Variants in SVOP observed in about 807,000 individuals in gnomAD.
SVOP encodes SV2 related protein, also known as synaptic vesicle 2-related protein.
In SVOP, 17 loss-of-function variants were observed where a neutral mutation model predicts 69.1. The ratio of observed to expected loss-of-function variants is 0.25; its 90% confidence interval spans 0.17 to 0.37. The LOEUF (loss-of-function observed/expected upper bound fraction) is 0.37, where lower values mean the gene tolerates loss of function less well. Ranked by LOEUF, SVOP falls within the 10% of genes least tolerant of loss-of-function variation. SVOP has a pLI of 1.00. For missense variants in SVOP, 435 were observed against 597.5 expected (o/e 0.73, Z 2.84); for synonymous variants, 238 against 238.6 (o/e 1.00, Z 0.02).
intron 14 of SVOP, 44 bp from the exon 15 acceptor site, chr12:108,915,916 C>G: frequency 1.3e-6 from 2 of 1,506,278 alleles, no homozygotes; most frequent in Non-Finnish European, 1.8e-6. Context: ...CATGCAGGTT[C>G]CTCCCACCAC....
At chr12:108,973,470 C>T (rs1207481641) in intron 4 of SVOP, among the ~76,000 whole-genome samples, 1 of 152,174 alleles carries the variant, frequency 6.6e-6, no homozygotes, top group Non-Finnish European at 1.5e-5. Flanking sequence ...TGGTTCACTG[C>T]AGCCTCAGCC....
At chr12:108,992,044 C>T (rs980968472) in intron 1 of SVOP, among the ~76,000 whole-genome samples, 2 of 152,024 alleles carry the variant, frequency 1.3e-5, no homozygotes, top group Non-Finnish European at 2.9e-5. Flanking sequence ...CAGCGGTGTG[C>T]GTATAAACTG....
In SVOP at chr12:108,934,210, C is replaced by T. The variant is rs774121922; in HGVS notation, c.1033G>A (p.Gly345Arg). The T allele has an allele frequency of 4.4e-6, 7 of 1,605,002 alleles. No individual in the cohort carries two copies. The highest frequency in any genetic ancestry group is 6.0e-6 in the Non-Finnish European group (7 of 1,175,790). The stretch of plus-strand genomic sequence containing the variant: ...AGATACTCACTGCCGCAGACATCTC[C>T]TGCCTGGAAGAGTTCTGTGGTGAGT... ...VLLTTELFQA[G>R]DVCGISSRKK... The change falls in exon 11 of 16, where the codon GGA (glycine) becomes AGA (arginine). Residue 345 changes from glycine (G) to arginine (R), a missense_variant. Physicochemically the swap from Gly to Arg is moderately radical, Grantham distance 125. Transcript: ENST00000610966.
At chr12:108,967,266 C>T (rs1425440121) in intron 5 of SVOP, among the ~76,000 whole-genome samples, 2 of 151,732 alleles carry the variant, frequency 1.3e-5, no homozygotes, top group African/African-American at 4.8e-5. Flanking sequence ...TTTGGGAGGC[C>T]GATGTGGGCA....
At chr12:109,017,616 CTT>C (rs2040374662) in intron 1 of SVOP, among the ~76,000 whole-genome samples, 1 of 152,258 alleles carries the variant, frequency 6.6e-6, no homozygotes, top group East Asian at 1.9e-4. Flanking sequence ...GTGGCACAAT[CTT>C]TGCTCACCGC....
chr12:108,923,367 G>A (rs997250943), intron 11 of SVOP, among the ~76,000 whole-genome samples: 9 of 152,318 alleles, frequency 5.9e-5, no homozygotes, highest in African/African-American at 1.9e-4. Context: ...AAGGAGTGGA[G>A]GGGAGCCTCT....
At chr12:108,933,696 AAT>A (rs974891948) in intron 11 of SVOP, among the ~76,000 whole-genome samples, 1 of 151,544 alleles carries the variant, frequency 6.6e-6, no homozygotes, top group Non-Finnish European at 1.5e-5. Context: ...AAAATAAAAA[AAT>A]AATAATAATA....
intron 7 of SVOP, among the ~76,000 whole-genome samples, chr12:108,943,775 T>C (rs2039906321): frequency 6.6e-6 from 1 of 151,792 alleles, no homozygotes; most frequent in Non-Finnish European, 1.5e-5. Flanking sequence ...ACATTTCCTT[T>C]TCTTCTTCTC....
chr12:108,934,416 CT>C, intron 10 of SVOP, 145 bp from the exon 11 acceptor site: 1 of 626,970 alleles, frequency 1.6e-6, no homozygotes, highest in Non-Finnish European at 2.8e-6. Flanking sequence ...TACTGGGGAC[CT>C]TGAGCAAGAA....
At chr12:109,004,410 C>CTTTTTTT (rs34124314) in intron 1 of SVOP, among the ~76,000 whole-genome samples, 23 of 120,382 alleles carry the variant, frequency 1.9e-4, no homozygotes, top group Admixed American at 3.8e-4. Context: ...GGTATTGCTA[C>CTTTTTTT]TTTTTTTTTT....
In SVOP at chr12:109,003,008, T is replaced by TA. The variant is rs1325120548; in HGVS notation, c.35+17825dup. Among the ~76,000 whole-genome samples, 4 of 15,824 alleles carry TA rather than the reference T, an allele frequency of 2.5e-4. No homozygotes were observed. In the Non-Finnish European group the frequency reaches 2.6e-3, roughly 10 times the overall value. 10.4% of individuals were successfully genotyped at this position (15,824 alleles called of 152,430 possible). A position where few individuals can be genotyped will look rare whatever the true frequency, so the allele number is the denominator to read the frequency against. ...AAATAAATAAATAAATAAATAAAAA[T>TA]AAAAATAAAAAAACAAGAAATGCAG... On this transcript the variant is annotated intron_variant, in intron 1 of 15. Coordinates refer to ENST00000610966, the MANE Select transcript of SVOP (RefSeq NM_018711.5).
chr12:108,967,318 G>A lies in SVOP; in HGVS notation c.453+5087C>T, dbSNP rs1255985965. 2.0e-5 allele frequency among the ~76,000 whole-genome samples: 3 copies of A among 152,080 alleles called. 1 individual carries two copies. The highest frequency in any genetic ancestry group is 4.2e-4 in the South Asian group (2 of 4,746). ...GATCGAGACCATCCTGGCTAACACG[G>A]TGAAACCCCGTCTCTACTAAAATTA... On this transcript the variant is annotated intron_variant, in intron 5 of 15. Coordinates refer to ENST00000610966, the MANE Select transcript of SVOP (RefSeq NM_018711.5).
chr12:109,005,154 A>G (rs561256312), intron 1 of SVOP, among the ~76,000 whole-genome samples: 1 of 152,296 alleles, frequency 6.6e-6, no homozygotes, highest in Non-Finnish European at 1.5e-5. Context: ...TTAAGCTGTG[A>G]TTATCTGTGT....
At chr12:108,922,589 A>G in intron 12 of SVOP, 101 bp downstream of exon 12, 1 of 816,040 alleles carries the variant, frequency 1.2e-6, no homozygotes, top group Non-Finnish European at 2.1e-6. Flanking sequence ...CTGACTAAAA[A>G]TGGGATTTGC....
intron 1 of SVOP, among the ~76,000 whole-genome samples, chr12:108,993,308 G>A (rs760099167): frequency 1.6e-4 from 24 of 150,096 alleles, no homozygotes; most frequent in Non-Finnish European, 2.9e-4. Flanking sequence ...GTGCCCAGCT[G>A]CAAGACCCCA....
At chr12:108,998,837 G>A (rs1489724231) in intron 1 of SVOP, among the ~76,000 whole-genome samples, 1 of 151,332 alleles carries the variant, frequency 6.6e-6, no homozygotes, top group Non-Finnish European at 1.5e-5. Context: ...GGAACAACCG[G>A]TACCAGCCGT....
intron 5 of SVOP, among the ~76,000 whole-genome samples, chr12:108,967,657 G>A (rs1336418211): frequency 2.0e-5 from 3 of 152,118 alleles, no homozygotes; most frequent in Non-Finnish European, 4.4e-5. Context: ...CCTCAGCACC[G>A]CCAACATCTT....
chr12:108,931,797 G>A (rs1456816905), intron 11 of SVOP, among the ~76,000 whole-genome samples: 1 of 149,790 alleles, frequency 6.7e-6, no homozygotes. Context: ...TTGCGCCACT[G>A]CACTCCAGCC....
chr12:108,987,916 C>A (rs1459976404), intron 1 of SVOP, among the ~76,000 whole-genome samples: 2 of 53,392 alleles, frequency 3.7e-5, no homozygotes, highest in African/African-American at 9.5e-5. Flanking sequence ...GTTGAATGCA[C>A]CAAAGTTTGA....
Sources: gnomAD v4.1 joint callset for allele counts (sites outside exome capture counted in the v4.1 genomes callset) on GRCh38, gnomAD v4.1.1 for gene constraint, MANE v1.5 for transcripts, NCBI Gene and HGNC (gene_info 2026-07-23, HGNC 2026-07-21) for gene names.